Variants in DLGAP1 observed in about 807,000 individuals in gnomAD.
DLGAP1 encodes the protein disks large-associated protein 1.
Under a neutral mutation model 90.8 loss-of-function variants are expected in DLGAP1, and 11 were observed. That is an observed-to-expected ratio of 0.12 (90% CI 0.08 to 0.20). The LOEUF is 0.20. DLGAP1 is among the 10% of genes least tolerant of loss of function. The pLI is 1.00. For synonymous variants in DLGAP1, 558 were observed against 540.7 expected (o/e 1.03, Z -0.44); for missense variants, 1,050 against 1,333.8 (o/e 0.79, Z 3.31).
At chr18:3,778,598 G>GATCT (rs2065041323) in intron 5 of DLGAP1, among the ~76,000 whole-genome samples, 1 of 152,112 alleles carries the variant, frequency 6.6e-6, no homozygotes, top group South Asian at 2.1e-4. Context: ...TCACTAGAAG[G>GATCT]CCCAGGCAGG....
chr18:3,777,276 G>A (rs147998226), intron 5 of DLGAP1, among the ~76,000 whole-genome samples: 127 of 152,206 alleles, frequency 8.3e-4, no homozygotes, highest in African/African-American at 3.0e-3. Context: ...ATGAATATTC[G>A]GAAGGAAATT....
At chr18:3,771,468 C>G (rs1453892181) in intron 5 of DLGAP1, 1 of 152,344 alleles carries the variant, frequency 6.6e-6, no homozygotes, top group East Asian at 1.9e-4. Context: ...CGCGCTCGGC[C>G]CGGGGGCGGG....
chr18:3,670,026 G>A (rs1328830552), intron 7 of DLGAP1, among the ~76,000 whole-genome samples: 2 of 152,166 alleles, frequency 1.3e-5, no homozygotes, highest in African/African-American at 4.8e-5. Flanking sequence ...GAGCCACATA[G>A]GGTGTGCGAT....
chr18:4,185,802 G>A (rs944759994), intron 1 of DLGAP1, among the ~76,000 whole-genome samples: 3 of 152,108 alleles, frequency 2.0e-5, no homozygotes, highest in African/African-American at 7.2e-5. Context: ...GTATACACTA[G>A]CAATGGGATT....
chr18:4,053,269 T>C (rs2075162526), intron 2 of DLGAP1, among the ~76,000 whole-genome samples: 1 of 152,152 alleles, frequency 6.6e-6, no homozygotes, highest in South Asian at 2.1e-4. Context: ...CTTATAATCA[T>C]GGTAGATGGG....
intron 1 of DLGAP1, among the ~76,000 whole-genome samples, chr18:4,363,437 C>T (rs1383392256): frequency 6.6e-6 from 1 of 152,178 alleles, no homozygotes; most frequent in Non-Finnish European, 1.5e-5. Flanking sequence ...GATAACTAAG[C>T]TGTCCTAACA....
chr18:4,055,616 G>T (rs1458009517), intron 2 of DLGAP1, among the ~76,000 whole-genome samples: 1 of 152,058 alleles, frequency 6.6e-6, no homozygotes, highest in Non-Finnish European at 1.5e-5. Flanking sequence ...TGAGACTTCT[G>T]CTTACATTTT....
chr18:3,845,865 T>G (rs1452755092), intron 4 of DLGAP1, among the ~76,000 whole-genome samples: 1 of 152,194 alleles, frequency 6.6e-6, no homozygotes, highest in Non-Finnish European at 1.5e-5. Context: ...ACAATAGATT[T>G]CCATCCTTGA....
chr18:3,535,521 C>T (rs1009558447), intron 9 of DLGAP1, among the ~76,000 whole-genome samples: 32 of 149,068 alleles, frequency 2.1e-4, no homozygotes, highest in African/African-American at 6.7e-4. Context: ...TCCTGGCTAA[C>T]ACGGTGAAAC....
intron 4 of DLGAP1, among the ~76,000 whole-genome samples, chr18:3,837,328 G>C (rs1260752550): frequency 6.6e-6 from 1 of 152,052 alleles, no homozygotes; most frequent in East Asian, 1.9e-4. Context: ...TGTGATATTA[G>C]GCATATGGCC....
At chr18:4,166,091 T>G (rs1443916683) in intron 1 of DLGAP1, among the ~76,000 whole-genome samples, 1 of 152,110 alleles carries the variant, frequency 6.6e-6, no homozygotes, top group Non-Finnish European at 1.5e-5. Flanking sequence ...TTCAGGAATT[T>G]GAGGTTGCAG....
chr18:3,783,397 C>A (rs1404901568), intron 5 of DLGAP1, among the ~76,000 whole-genome samples: 1 of 152,086 alleles, frequency 6.6e-6, no homozygotes, highest in Non-Finnish European at 1.5e-5. Flanking sequence ...TGAAACAATC[C>A]AAAGTTCATC....
chr18:4,381,810 T>C (rs992392229), intron 1 of DLGAP1, among the ~76,000 whole-genome samples: 30 of 152,276 alleles, frequency 2.0e-4, no homozygotes, highest in Admixed American at 9.2e-4. Flanking sequence ...TCTGTTTTCA[T>C]GCTGCTGATA....
Position 3,619,542 on chromosome 18 carries a change from T to C in DLGAP1, c.1592-37294A>G, listed in dbSNP as rs984632875. Among the ~76,000 whole-genome samples, 14 of 152,252 alleles carry C rather than the reference T, an allele frequency of 9.2e-5. No homozygotes were observed. In the East Asian group the frequency reaches 2.7e-3, roughly 29 times the overall value. On this transcript the variant is annotated intron_variant, in intron 7 of 12. Transcript: ENST00000315677. ...TTGGTGCATGGTCAAGAGGCCCATA[T>C]TGATGCAAGTCACTAACCCCTTCCC...
intron 1 of DLGAP1, among the ~76,000 whole-genome samples, chr18:4,392,417 G>T (rs1263599373): frequency 6.6e-6 from 1 of 151,962 alleles, no homozygotes; most frequent in Non-Finnish European, 1.5e-5. Context: ...AAGTTCTAGG[G>T]GTCCTCATTA....
intron 5 of DLGAP1, among the ~76,000 whole-genome samples, chr18:3,801,987 G>C (rs1568159550): frequency 1.0e-5 from 1 of 97,468 alleles, no homozygotes; most frequent in Non-Finnish European, 2.7e-5. Flanking sequence ...TTGTTTGTTT[G>C]TTTGTTTGTT....
intron 2 of DLGAP1, among the ~76,000 whole-genome samples, chr18:4,072,635 A>G (rs2143489494): frequency 6.6e-6 from 1 of 152,136 alleles, no homozygotes; most frequent in South Asian, 2.1e-4. Context: ...GCACGCAGCT[A>G]ATTTTTGTAT....
At chr18:3,876,754 T>G (rs2071015360) in intron 4 of DLGAP1, among the ~76,000 whole-genome samples, 1 of 152,158 alleles carries the variant, frequency 6.6e-6, no homozygotes, top group Non-Finnish European at 1.5e-5. Context: ...CCTCAAACGT[T>G]TCATTACAAA....
chr18:3,731,405 C>T (rs1255936891), intron 6 of DLGAP1, among the ~76,000 whole-genome samples: 1 of 151,960 alleles, frequency 6.6e-6, no homozygotes, highest in Non-Finnish European at 1.5e-5. Flanking sequence ...TTTTACTTAA[C>T]CCTCTAGGTT....
Sources: allele counts gnomAD v4.1 joint callset (sites outside exome capture counted in the v4.1 genomes callset), GRCh38; gene constraint gnomAD v4.1.1; transcripts MANE v1.5; gene names NCBI Gene and HGNC (gene_info 2026-07-23, HGNC 2026-07-21).